Variants in HYDIN observed in about 807,000 individuals in gnomAD.
HYDIN encodes the protein HYDIN axonemal central pair apparatus protein, also known as axonemal central pair apparatus protein HYDIN.
A neutral mutation model predicts 403.9 loss-of-function variants in HYDIN; 132 were observed. The observed-to-expected ratio is 0.33, with a 90% confidence interval of 0.28 to 0.38. HYDIN has a LOEUF of 0.38. HYDIN is among the 10% of genes least tolerant of loss of function. The pLI is 1.00. For synonymous variants in HYDIN, 1,202 were observed against 1,891.7 expected, an observed-to-expected ratio of 0.64 and a Z score of 9.46; for missense variants, 2,827 against 5,009.5, an observed-to-expected ratio of 0.56 and a Z score of 13.15.
chr16:70,807,749 C>T lies in HYDIN; in HGVS notation c.15197G>A (p.Gly5066Glu). ...GATCTTCTTGGGCCGCACAGACTCT[C>T]CAGCGCGAATGGTGAAGGCTGGGTT... ...VDNPAFTIRAGESVRPKKINN... is the reference protein window; with the variant it reads ...VDNPAFTIRAEESVRPKKINN... The change falls in exon 86 of 86, where the codon GGA (glycine) becomes GAA (glutamate). Residue 5066 changes from glycine to glutamate, a missense_variant. Coordinates refer to ENST00000393567, the MANE Select transcript of HYDIN (RefSeq NM_001270974.2). 1 of 1,614,156 alleles carries T rather than the reference C, an allele frequency of 6.2e-7. No homozygotes were observed. The highest frequency in any genetic ancestry group is 8.5e-7 in the Non-Finnish European group (1 of 1,180,032).
At chr16:70,845,647 T>A (rs1415264271) in intron 75 of HYDIN, among the ~76,000 whole-genome samples, 1 of 132,656 alleles carries the variant, frequency 7.5e-6, no homozygotes, top group East Asian at 2.1e-4. Context: ...TCTGGTAGAA[T>A]TCGGCTGTGA....
intron 75 of HYDIN, 104 bp from the exon 76 acceptor site, chr16:70,840,337 A>C (rs1158722140): frequency 1.5e-5 from 16 of 1,046,400 alleles, no homozygotes; most frequent in Non-Finnish European, 2.2e-5. Flanking sequence ...TTTAACAAAT[A>C]CAGGTCTCAG....
At chr16:70,922,260 T>C (rs537799817) in intron 45 of HYDIN, among the ~76,000 whole-genome samples, 1 of 152,370 alleles carries the variant, frequency 6.6e-6, no homozygotes, top group Non-Finnish European at 1.5e-5. Context: ...ACTTGGCTCC[T>C]ATTCCTTCAC....
chr16:70,874,667 G>C (rs2040339350), intron 63 of HYDIN, 75 bp from the exon 64 acceptor site: 1 of 821,546 alleles, frequency 1.2e-6, no homozygotes, highest in African/African-American at 1.8e-5. Flanking sequence ...CCCTGTTGAA[G>C]GGAAAGTAAC....
At chr16:71,062,393 G>C (rs924833633) in intron 16 of HYDIN, 60 bp from the exon 17 acceptor site, 7 of 1,405,404 alleles carry the variant, frequency 5.0e-6, no homozygotes, top group African/African-American at 1.4e-5. Flanking sequence ...TAGCGTATTT[G>C]CTTATTTTGA....
At chr16:70,811,271 C>G (rs1289482485) in intron 84 of HYDIN, 2 of 151,790 alleles carry the variant, frequency 1.3e-5, no homozygotes, top group Non-Finnish European at 2.9e-5. Context: ...ACAACAACAA[C>G]AACAACAACA....
intron 7 of HYDIN, among the ~76,000 whole-genome samples, chr16:71,137,942 C>T (rs2084998955): frequency 6.6e-6 from 1 of 151,932 alleles, no homozygotes; most frequent in South Asian, 2.1e-4. Context: ...TACACACACA[C>T]ACACACACCC....
rs189098296 is a variant in HYDIN at position 71,211,502 on chromosome 16, C to T, written c.-24+19060G>A. Among the ~76,000 whole-genome samples, 435 of 152,002 alleles carry T rather than the reference C, an allele frequency of 2.9e-3. 3 individuals are homozygous for T. In the Middle Eastern group the frequency reaches 0.054, roughly 19 times the overall value. On this transcript the variant is annotated intron_variant, in intron 1 of 85. Coordinates refer to ENST00000393567, the MANE Select transcript of HYDIN (RefSeq NM_001270974.2). Reference sequence around the variant, plus strand: ...AAAAATACAAAAAAAATTAGCCGGGCGTGGTGAGGGGCACCTGTAGTCCCA... The same window carrying T: ...AAAAATACAAAAAAAATTAGCCGGGTGTGGTGAGGGGCACCTGTAGTCCCA...
At chr16:71,137,886 T>TAAAAC (rs55688728) in intron 7 of HYDIN, among the ~76,000 whole-genome samples, 30 of 150,286 alleles carry the variant, frequency 2.0e-4, no homozygotes, top group East Asian at 7.8e-4. Context: ...AAACAGCAAT[T>TAAAAC]AAAACAAAAC....
intron 1 of HYDIN, among the ~76,000 whole-genome samples, chr16:71,192,769 A>C (rs1328493966): frequency 6.6e-6 from 1 of 152,082 alleles, no homozygotes; most frequent in Admixed American, 6.5e-5. Flanking sequence ...TGAGGACAGG[A>C]ACTTTGTCTT....
chr16:71,077,186 G>A (rs1268772257), intron 13 of HYDIN, among the ~76,000 whole-genome samples: 2 of 151,834 alleles, frequency 1.3e-5, no homozygotes, highest in Non-Finnish European at 2.9e-5. Flanking sequence ...TCATGGCTTT[G>A]TTTCTATTAG....
Position 70,901,187 on chromosome 16 carries a change from T to A in HYDIN, c.8865A>T (p.Val2955=). The change falls in exon 53 of 86, where the codon GTA becomes GTT. Residue 2955 remains valine, a synonymous_variant. Coordinates refer to ENST00000393567, the MANE Select transcript of HYDIN (RefSeq NM_001270974.2). Reference sequence around the variant, plus strand: ...GGAGCGTGACATTGCGGAGAAGAACTACCCTGGATTCCTGTCTGCAGAGAC... The same window carrying A: ...GGAGCGTGACATTGCGGAGAAGAACAACCCTGGATTCCTGTCTGCAGAGAC... ...RLLLHRQESR[V]VLLRNVTLLP... 1.1e-6 allele frequency: 1 copy of A among 869,872 alleles called. No individual in the cohort carries two copies. Among genetic ancestry groups the A allele is most frequent in the Non-Finnish European group, 1.8e-6 (1 of 558,310 alleles). The allele number at this position is 869,872 out of a possible 1,614,324, so 53.9% of individuals were successfully genotyped here.
In HYDIN at chr16:70,991,304, A is replaced by C. The variant is rs1163763935; in HGVS notation, c.3864+14T>G. ...CTTGACCTGCCTACCCTCCCCATGG[A>C]AAGGACACCGTACATCTGAGATCAC... On this transcript the variant is annotated intron_variant, in intron 25 of 85. Coordinates refer to ENST00000393567, the MANE Select transcript of HYDIN (RefSeq NM_001270974.2). 6.2e-7 allele frequency: 1 copy of C among 1,613,830 alleles called. No homozygotes were observed. Among genetic ancestry groups the C allele is most frequent in the East Asian group, 2.2e-5 (1 of 44,858 alleles).
intron 41 of HYDIN, among the ~76,000 whole-genome samples, chr16:70,946,592 C>A (rs186939095): frequency 5.3e-5 from 8 of 152,048 alleles, no homozygotes; most frequent in Middle Eastern, 6.8e-3. Flanking sequence ...GGTGGCAGAC[C>A]ATGGCATCCA....
chr16:70,888,200 G>A (rs1399485467), intron 58 of HYDIN, among the ~76,000 whole-genome samples: 1 of 152,260 alleles, frequency 6.6e-6, no homozygotes, highest in Non-Finnish European at 1.5e-5. Flanking sequence ...TCTCATCTCA[G>A]TGTTGTCATC....
intron 1 of HYDIN, among the ~76,000 whole-genome samples, chr16:71,207,728 A>G (rs1425450452): frequency 2.0e-5 from 3 of 152,190 alleles, no homozygotes; most frequent in Non-Finnish European, 2.9e-5. Context: ...ATGGAGAAAA[A>G]TCTACTAAGC....
chr16:70,881,688 TC>T (rs1441851261), intron 60 of HYDIN, among the ~76,000 whole-genome samples: 8 of 151,678 alleles, frequency 5.3e-5, no homozygotes, highest in Admixed American at 5.2e-4. Context: ...TTATGTAGTC[TC>T]CCCAACCATA....
chr16:71,196,225 C>A (rs1282176649), intron 1 of HYDIN, among the ~76,000 whole-genome samples: 1 of 152,130 alleles, frequency 6.6e-6, no homozygotes, highest in African/African-American at 2.4e-5. Flanking sequence ...GCCCAGATAT[C>A]CAGCTAAACA....
rs2078437663 is a variant in HYDIN, at chr16:70,962,101, G to A, written c.5826C>T (p.Ser1942=). 1 of 977,262 alleles carries A rather than the reference G, an allele frequency of 1.0e-6. No individual in the cohort carries two copies. The highest frequency in any genetic ancestry group is 1.9e-5 in the African/African-American group (1 of 52,766). The allele number at this position is 977,262 out of a possible 1,614,324, so 60.5% of individuals were successfully genotyped here. ...TCAGCGATGTCCTCTTTGTGCTATT[G>A]GAGGTTCCCTGATCTGATGAGGTTA... is the stretch of plus-strand genomic sequence containing the variant. ...EDITSSDQGT[S]NSTKRTSLSR... The change falls in exon 38 of 86, where the codon TCC becomes TCT. Residue 1942 remains serine, a synonymous_variant. Coordinates refer to ENST00000393567, the MANE Select transcript of HYDIN (RefSeq NM_001270974.2).
Sources: allele counts gnomAD v4.1 joint callset (sites outside exome capture counted in the v4.1 genomes callset), GRCh38; gene constraint gnomAD v4.1.1; transcripts MANE v1.5; gene names NCBI Gene and HGNC (gene_info 2026-07-23, HGNC 2026-07-21).